RASEF: variants seen among roughly 807,000 people sequenced by gnomAD.
RASEF encodes ras and EF-hand domain-containing protein.
In RASEF, 68 loss-of-function variants were observed where a neutral mutation model predicts 90.1. The observed-to-expected ratio is 0.75, with a 90% CI of 0.62 to 0.92. The LOEUF (loss-of-function observed/expected upper bound fraction) is 0.92, where lower values mean the gene tolerates loss of function less well. Among genes scored for constraint, RASEF ranks in the 40% least tolerant of loss-of-function variants. RASEF has a pLI of 0.00. For synonymous variants in RASEF, 331 were observed against 345.2 expected (o/e 0.96, Z 0.46); for missense variants, 949 against 937.2 (o/e 1.01, Z -0.16).
At chr9:83,189,487 C>T in the RASEF span, among the ~76,000 whole-genome samples, 1 of 152,152 alleles carries the variant, frequency 6.6e-6, no homozygotes, top group Non-Finnish European at 1.5e-5. Context: ...CAGACTTTCT[C>T]ATTTTAGAGA....
Position 83,022,306 on chromosome 9 carries a change from G to C in RASEF, c.669+30C>G, listed in dbSNP as rs1829458812. On this transcript the variant is annotated intron_variant, in intron 3 of 16. Coordinates refer to ENST00000376447, the MANE Select transcript of RASEF (RefSeq NM_152573.4). The stretch of plus-strand genomic sequence containing the variant: ...CGTAGAAACCACCTCATAAAGATCT[G>C]CTGAATGAATGGCCAACCCAGAAAC... 3 of 1,550,458 alleles carry C rather than the reference G, an allele frequency of 1.9e-6. No individual in the cohort carries two copies. In the African/African-American group the frequency reaches 4.1e-5, roughly 21 times the overall value.
At chr9:83,160,511 G>A in the RASEF span, among the ~76,000 whole-genome samples, 1 of 152,156 alleles carries the variant, frequency 6.6e-6, no homozygotes, top group Non-Finnish European at 1.5e-5. Flanking sequence ...TCAAGAGGTG[G>A]CTTGGGCACC....
At chr9:83,012,367 G>A in intron 5 of RASEF, 67 bp downstream of exon 5, 2 of 809,020 alleles carry the variant, frequency 2.5e-6, no homozygotes, top group Non-Finnish European at 3.8e-6. Flanking sequence ...CTGGAACACT[G>A]AAATAAGAGC....
At chr9:83,032,347 G>A (rs922651562) in intron 1 of RASEF, among the ~76,000 whole-genome samples, 3 of 152,284 alleles carry the variant, frequency 2.0e-5, no homozygotes, top group African/African-American at 7.2e-5. Flanking sequence ...ATTCATCAAG[G>A]ACCCAGGGCC....
At chr9:83,089,410 A>C in the RASEF span, among the ~76,000 whole-genome samples, 2 of 152,094 alleles carry the variant, frequency 1.3e-5, no homozygotes, top group East Asian at 3.9e-4. Flanking sequence ...TCACATTACT[A>C]TCTAATATCC....
At chr9:83,019,721 C>T (rs1006460841) in intron 3 of RASEF, among the ~76,000 whole-genome samples, 10 of 152,186 alleles carry the variant, frequency 6.6e-5, no homozygotes, top group East Asian at 1.9e-4. Context: ...GGTACCCCTA[C>T]GTAATAGAAT....
At chr9:82,994,851 G>C (rs1267088402) in intron 14 of RASEF, among the ~76,000 whole-genome samples, 1 of 151,662 alleles carries the variant, frequency 6.6e-6, no homozygotes, top group Non-Finnish European at 1.5e-5. Flanking sequence ...TATTAATTCA[G>C]AGGGTCTGTT....
the RASEF span, among the ~76,000 whole-genome samples, chr9:83,189,291 T>G: frequency 3.9e-5 from 6 of 152,146 alleles, no homozygotes; most frequent in Non-Finnish European, 1.5e-5. Flanking sequence ...GAAGGATGTA[T>G]TTGCTTCCAC....
At chr9:83,176,959 T>C in the RASEF span, among the ~76,000 whole-genome samples, 1 of 152,098 alleles carries the variant, frequency 6.6e-6, no homozygotes, top group Non-Finnish European at 1.5e-5. Flanking sequence ...TTATTTCTGG[T>C]TCTCTTCATT....
the RASEF span, among the ~76,000 whole-genome samples, chr9:83,185,826 C>T: frequency 6.6e-6 from 1 of 152,114 alleles, no homozygotes; most frequent in African/African-American, 2.4e-5. Flanking sequence ...AACCACTCCT[C>T]CATAAGCACA....
the RASEF span, among the ~76,000 whole-genome samples, chr9:83,195,624 C>G: frequency 6.6e-6 from 1 of 152,046 alleles, no homozygotes; most frequent in African/African-American, 2.4e-5. Flanking sequence ...AGCTTACATA[C>G]CAGCAGGGAA....
At chr9:83,131,340 G>A in the RASEF span, among the ~76,000 whole-genome samples, 1 of 152,226 alleles carries the variant, frequency 6.6e-6, no homozygotes, top group African/African-American at 2.4e-5. Flanking sequence ...TGTTAGAGAA[G>A]AGGAGGGGTA....
At chr9:83,048,441 G>C in intron 1 of RASEF, 1 of 985,240 alleles carries the variant, frequency 1.0e-6, no homozygotes, top group Non-Finnish European at 1.2e-6. Context: ...CTTCTGAATA[G>C]AGGGAAACCA....
At chr9:82,982,855 A>G in intron 16 of RASEF, 73 bp from the exon 17 acceptor site, 1 of 860,642 alleles carries the variant, frequency 1.2e-6, no homozygotes, top group Non-Finnish European at 2.0e-6. Context: ...TATAAAAACT[A>G]AGCCACAGAT....
chr9:83,145,467 C>T, the RASEF span, among the ~76,000 whole-genome samples: 18 of 151,950 alleles, frequency 1.2e-4, no homozygotes, highest in Non-Finnish European at 2.4e-4. Flanking sequence ...ACCCTGAGTT[C>T]GTTTAGGGCC....
chr9:82,995,074 C>A (rs1828889835), intron 14 of RASEF, among the ~76,000 whole-genome samples: 1 of 152,182 alleles, frequency 6.6e-6, no homozygotes, highest in South Asian at 2.1e-4. Flanking sequence ...TCATCCATAA[C>A]AAACTTAAGA....
intron 16 of RASEF, among the ~76,000 whole-genome samples, chr9:82,983,256 T>C (rs1194124815): frequency 6.6e-6 from 1 of 152,110 alleles, no homozygotes; most frequent in Non-Finnish European, 1.5e-5. Flanking sequence ...TCCAGCTTCA[T>C]GTAATGGTTG....
the RASEF span, among the ~76,000 whole-genome samples, chr9:83,121,675 T>C: frequency 6.6e-6 from 1 of 152,312 alleles, no homozygotes; most frequent in Admixed American, 6.5e-5. Flanking sequence ...CTGCTCTGGC[T>C]CATGCTCCAT....
the RASEF span, chr9:83,202,122 CA>C: frequency 3.3e-5 from 5 of 149,306 alleles, no homozygotes; most frequent in African/African-American, 5.0e-5. Flanking sequence ...ACTTCCTGTC[CA>C]AAAAAAAAAG....
Sources: gnomAD v4.1 joint callset for allele counts (sites outside exome capture counted in the v4.1 genomes callset) on GRCh38, gnomAD v4.1.1 for gene constraint, MANE v1.5 for transcripts, NCBI Gene and HGNC (gene_info 2026-07-23, HGNC 2026-07-21) for gene names.